AK4: variants seen among roughly 807,000 people sequenced by gnomAD.
The protein encoded by AK4 is adenylate kinase 4, mitochondrial.
AK4 carries 13 observed loss-of-function variants against 24.6 expected under a neutral mutation model. The observed-to-expected ratio is 0.53, with a 90% CI of 0.34 to 0.84. AK4 has a LOEUF of 0.84. Ranked by LOEUF, AK4 falls within the 40% of genes least tolerant of loss-of-function variation. The pLI is 0.01. For synonymous variants in AK4, 88 were observed against 107.0 expected (o/e 0.82, Z 1.10); for missense variants, 192 against 288.2 (o/e 0.67, Z 2.42).
intron 1 of AK4, 140 bp downstream of exon 1, chr1:65,148,692 T>C: frequency 8.2e-7 from 1 of 1,224,808 alleles, no homozygotes. Flanking sequence ...CCGGGGCGCA[T>C]GCAGCTGGCG....
intron 1 of AK4, chr1:65,166,079 G>T (rs1440545704): frequency 1.3e-5 from 2 of 152,190 alleles, no homozygotes; most frequent in African/African-American, 2.4e-5. Context: ...TTAGAGGCAG[G>T]CATAACTCTG....
At position 65,226,104 on chromosome 1, in the gene AK4, A is replaced by G. The variant is rs754855850; in HGVS notation, c.599A>G (p.Asn200Ser). ...VLHQFSGTET[N>S]KIWPYVYTLF... ...CACCAATTTTCCGGAACGGAGACGA[A>G]CAAAATCTGGCCCTACGTTTACACA... The change falls in exon 5 of 5, where the codon AAC becomes AGC. Residue 200 changes from asparagine (N) to serine (S), a missense_variant. Transcript: ENST00000327299. 1 of 1,611,744 alleles carries G rather than the reference A, an allele frequency of 6.2e-7. No homozygotes were observed. The highest frequency in any genetic ancestry group is 1.1e-5 in the South Asian group (1 of 90,880).
At chr1:65,170,553 A>G (rs2101007522) in intron 1 of AK4, among the ~76,000 whole-genome samples, 1 of 152,334 alleles carries the variant, frequency 6.6e-6, no homozygotes, top group Non-Finnish European at 1.5e-5. Flanking sequence ...ACCAAACAGC[A>G]CGTTTGAAAC....
At chr1:65,193,992 G>T (rs1651391155) in intron 2 of AK4, among the ~76,000 whole-genome samples, 1 of 152,204 alleles carries the variant, frequency 6.6e-6, no homozygotes, top group Non-Finnish European at 1.5e-5. Flanking sequence ...CTTGGGAGCT[G>T]AGGTGAGAGG....
intron 1 of AK4, among the ~76,000 whole-genome samples, chr1:65,190,147 T>A (rs1022292341): frequency 6.6e-6 from 1 of 152,232 alleles, no homozygotes; most frequent in Non-Finnish European, 1.5e-5. Flanking sequence ...GGCTTCTCTT[T>A]ATCAGCTTTT....
chr1:65,198,246 G>A (rs1441262722), intron 2 of AK4, among the ~76,000 whole-genome samples: 6 of 152,180 alleles, frequency 3.9e-5, no homozygotes, highest in East Asian at 1.9e-4. Flanking sequence ...AAGAATAGTT[G>A]TAAAATTTGT....
chr1:65,206,891 A>G (rs1206336376), intron 2 of AK4, among the ~76,000 whole-genome samples: 1 of 152,246 alleles, frequency 6.6e-6, no homozygotes, highest in African/African-American at 2.4e-5. Context: ...CCTTATGGGA[A>G]AAGGGCTCAG....
At chr1:65,169,242 T>A (rs1351614841) in intron 1 of AK4, among the ~76,000 whole-genome samples, 2 of 151,762 alleles carry the variant, frequency 1.3e-5, no homozygotes, top group Non-Finnish European at 2.9e-5. Flanking sequence ...TATTGCAGGA[T>A]ATCATTCAGC....
chr1:65,170,246 T>C (rs1650467066), intron 1 of AK4, among the ~76,000 whole-genome samples: 1 of 152,106 alleles, frequency 6.6e-6, no homozygotes, highest in Admixed American at 6.5e-5. Context: ...CGGGCGCCTG[T>C]AGTCCCAGCT....
chr1:65,160,179 A>T (rs149446478), intron 1 of AK4, among the ~76,000 whole-genome samples: 6 of 152,306 alleles, frequency 3.9e-5, no homozygotes, highest in African/African-American at 1.4e-4. Flanking sequence ...AATGCCATGT[A>T]GGGACAGTGT....
At chr1:65,188,264 G>A (rs971824417) in intron 1 of AK4, among the ~76,000 whole-genome samples, 36 of 151,822 alleles carry the variant, frequency 2.4e-4, no homozygotes, top group African/African-American at 6.0e-4. Flanking sequence ...GCATGGTGGC[G>A]CACATCTATA....
intron 3 of AK4, among the ~76,000 whole-genome samples, chr1:65,224,365 C>T (rs920959748): frequency 1.3e-5 from 2 of 151,980 alleles, no homozygotes; most frequent in Admixed American, 6.6e-5. Context: ...TTTTGTTTTC[C>T]GCATTAAGAA....
At chr1:65,166,564 G>C (rs928480836) in intron 1 of AK4, among the ~76,000 whole-genome samples, 1 of 152,118 alleles carries the variant, frequency 6.6e-6, no homozygotes, top group Non-Finnish European at 1.5e-5. Flanking sequence ...TTATCTCCCA[G>C]GCTGGAGGAG....
At chr1:65,166,649 T>A (rs1251811419) in intron 1 of AK4, among the ~76,000 whole-genome samples, 1 of 152,126 alleles carries the variant, frequency 6.6e-6, no homozygotes, top group Admixed American at 6.5e-5. Flanking sequence ...CCGTTTCCCA[T>A]GTAGCCAGGA....
At chr1:65,225,330 G>T (rs1213977377) in intron 4 of AK4, among the ~76,000 whole-genome samples, 1 of 152,154 alleles carries the variant, frequency 6.6e-6, no homozygotes, top group Non-Finnish European at 1.5e-5. Context: ...GGCTGCAGGG[G>T]CTAGGGCAGG....
chr1:65,211,508 G>A (rs1265509463), intron 2 of AK4, among the ~76,000 whole-genome samples: 7 of 152,192 alleles, frequency 4.6e-5, no homozygotes, highest in Admixed American at 2.0e-4. Context: ...GGTACATGGC[G>A]TGTGATTGTA....
At chr1:65,225,269 A>G (rs986497269) in intron 4 of AK4, among the ~76,000 whole-genome samples, 4 of 152,200 alleles carry the variant, frequency 2.6e-5, no homozygotes, top group Non-Finnish European at 5.9e-5. Context: ...GTCTGTAAGG[A>G]GTTTAACAAA....
At chr1:65,207,604 T>C (rs1007641721) in intron 2 of AK4, among the ~76,000 whole-genome samples, 5 of 151,534 alleles carry the variant, frequency 3.3e-5, no homozygotes, top group African/African-American at 9.7e-5. Context: ...GGGATACATG[T>C]GCAGGTTCGT....
chr1:65,177,074 G>A (rs1490769918), intron 1 of AK4, among the ~76,000 whole-genome samples: 1 of 152,022 alleles, frequency 6.6e-6, no homozygotes, highest in Non-Finnish European at 1.5e-5. Flanking sequence ...GGTGATAATC[G>A]ATTGTGCAGA....
Sources: allele counts gnomAD v4.1 joint callset (sites outside exome capture counted in the v4.1 genomes callset), GRCh38; gene constraint gnomAD v4.1.1; transcripts MANE v1.5; gene names NCBI Gene and HGNC (gene_info 2026-07-23, HGNC 2026-07-21).